Variants in MYO16 observed in about 807,000 individuals in gnomAD.
The protein encoded by MYO16 is unconventional myosin-XVI.
MYO16 carries 94 observed loss-of-function variants against 205.3 expected under a neutral mutation model. The observed-to-expected ratio is 0.46, with a 90% confidence interval of 0.39 to 0.54. MYO16 has a LOEUF of 0.54. Ranked by LOEUF, MYO16 falls within the 20% of genes least tolerant of loss-of-function variation. MYO16 has a pLI of 0.00. For missense variants in MYO16, 2,315 were observed against 2,387.5 expected (o/e 0.97, Z 0.63); for synonymous variants, 988 against 954.0 (o/e 1.04, Z -0.66).
chr13:108,993,781 T>A (rs555751388), intron 21 of MYO16, among the ~76,000 whole-genome samples: 5 of 152,270 alleles, frequency 3.3e-5, no homozygotes, highest in African/African-American at 9.6e-5. Flanking sequence ...TATATGTGGG[T>A]CTGCAGGGTG....
chr13:108,608,377 G>A (rs1038464814), intron 1 of MYO16, among the ~76,000 whole-genome samples: 5 of 152,048 alleles, frequency 3.3e-5, no homozygotes, highest in African/African-American at 1.2e-4. Flanking sequence ...CTCTGCCTAG[G>A]AGCCTTCCCC....
intron 23 of MYO16, among the ~76,000 whole-genome samples, chr13:109,034,138 G>A (rs540376428): frequency 6.6e-6 from 1 of 152,050 alleles, no homozygotes; most frequent in South Asian, 2.1e-4. Flanking sequence ...CCTAGACAAA[G>A]TTAGAGTTGA....
At chr13:108,634,011 A>T (rs1296771502) in intron 1 of MYO16, among the ~76,000 whole-genome samples, 2 of 152,050 alleles carry the variant, frequency 1.3e-5, no homozygotes, top group Non-Finnish European at 2.9e-5. Context: ...TACCTACCCA[A>T]GGTGGAACCC....
chr13:108,688,227 A>G (rs1882757745), intron 2 of MYO16, among the ~76,000 whole-genome samples: 1 of 152,144 alleles, frequency 6.6e-6, no homozygotes, highest in Admixed American at 6.5e-5. Context: ...GTAAAAAATT[A>G]CAAGAGAAAC....
chr13:108,985,541 G>A (rs1884597740), intron 20 of MYO16, among the ~76,000 whole-genome samples: 1 of 152,216 alleles, frequency 6.6e-6, no homozygotes, highest in African/African-American at 2.4e-5. Flanking sequence ...TTAACGATCA[G>A]TGAAAACACT....
intron 12 of MYO16, among the ~76,000 whole-genome samples, chr13:108,868,787 G>A (rs972207022): frequency 3.6e-4 from 55 of 151,190 alleles, no homozygotes; most frequent in African/African-American, 1.3e-3. Context: ...CGAGCATGGT[G>A]GCAGGTGACG....
chr13:108,785,564 G>C, intron 4 of MYO16, 71 bp from the exon 5 acceptor site: 1 of 839,348 alleles, frequency 1.2e-6, no homozygotes, highest in South Asian at 2.1e-5. Context: ...AACTAAGATT[G>C]AAGTACAACT....
chr13:108,655,360 G>C (rs1881195995), intron 1 of MYO16, among the ~76,000 whole-genome samples: 2 of 152,192 alleles, frequency 1.3e-5, no homozygotes, highest in Non-Finnish European at 2.9e-5. Flanking sequence ...GCTTCCACAT[G>C]ATGTTGAGCC....
At chr13:109,130,361 T>C (rs1248267284) in intron 31 of MYO16, among the ~76,000 whole-genome samples, 1 of 152,182 alleles carries the variant, frequency 6.6e-6, no homozygotes, top group Non-Finnish European at 1.5e-5. Flanking sequence ...CCATCTACAT[T>C]ATCTGTTCTT....
At chr13:109,155,488 C>G (rs1265224858) in intron 32 of MYO16, among the ~76,000 whole-genome samples, 1 of 152,136 alleles carries the variant, frequency 6.6e-6, no homozygotes, top group Non-Finnish European at 1.5e-5. Flanking sequence ...TCTCAGCACA[C>G]GCAACCTTTC....
chr13:108,721,707 G>T (rs539774769), intron 3 of MYO16, among the ~76,000 whole-genome samples: 1 of 152,174 alleles, frequency 6.6e-6, no homozygotes, highest in Non-Finnish European at 1.5e-5. Flanking sequence ...AAGAATCAAT[G>T]ATAAGCTCAG....
At position 108,785,720 on chromosome 13, in the gene MYO16, T is replaced by A; in HGVS notation, c.593T>A (p.Leu198Gln). Reference sequence around the variant, plus strand: ...GAAGGGACAGAATCCAGCTCTATCCTGTTGACCTATCTGGATGAAAATGGT... The same window carrying A: ...GAAGGGACAGAATCCAGCTCTATCCAGTTGACCTATCTGGATGAAAATGGT... ...AVEGTESSSILLTYLDENGVD... is the reference protein window; with the variant it reads ...AVEGTESSSIQLTYLDENGVD... The change falls in exon 5 of 35, where the codon CTG becomes CAG. Residue 198 changes from leucine to glutamine, a missense_variant. Coordinates refer to ENST00000457511, the MANE Select transcript of MYO16 (RefSeq NM_001198950.3). 2 of 1,608,276 alleles carry A rather than the reference T, an allele frequency of 1.2e-6. No individual in the cohort carries two copies. Among genetic ancestry groups the A allele is most frequent in the Non-Finnish European group, 1.7e-6 (2 of 1,176,972 alleles).
At chr13:108,654,326 G>A (rs374506864) in intron 1 of MYO16, among the ~76,000 whole-genome samples, 113 of 152,254 alleles carry the variant, frequency 7.4e-4, no homozygotes, top group African/African-American at 2.6e-3. Context: ...TACTGTTCTC[G>A]TGCTAGGAAG....
chr13:108,890,574 C>T (rs1437846714), intron 14 of MYO16, among the ~76,000 whole-genome samples: 2 of 152,178 alleles, frequency 1.3e-5, no homozygotes, highest in Non-Finnish European at 2.9e-5. Flanking sequence ...TGCAGAGGGG[C>T]TACCTGTCTT....
chr13:108,570,975 C>G, the MYO16 span, among the ~76,000 whole-genome samples: 1 of 151,962 alleles, frequency 6.6e-6, no homozygotes. Context: ...TCAAAAACAT[C>G]TTAAGAAAGT....
chr13:108,570,943 T>C, the MYO16 span, among the ~76,000 whole-genome samples: 1 of 152,162 alleles, frequency 6.6e-6, no homozygotes, highest in Non-Finnish European at 1.5e-5. Flanking sequence ...TACTGAAAAT[T>C]AGCTTTAAGG....
chr13:108,721,213 A>G (rs1040951916), intron 3 of MYO16, among the ~76,000 whole-genome samples: 14 of 152,240 alleles, frequency 9.2e-5, no homozygotes, highest in Admixed American at 3.9e-4. Context: ...TTGTTGACAC[A>G]TTCTAACCAC....
chr13:108,953,563 AGTTTT>A (rs1883235713), intron 16 of MYO16, among the ~76,000 whole-genome samples: 1 of 149,786 alleles, frequency 6.7e-6, no homozygotes, highest in African/African-American at 2.5e-5. Flanking sequence ...AAATGTTTTG[AGTTTT>A]GTTTTTTTTT....
intron 7 of MYO16, among the ~76,000 whole-genome samples, chr13:108,812,468 G>T (rs1256875781): frequency 1.3e-5 from 2 of 151,980 alleles, no homozygotes; most frequent in Non-Finnish European, 2.9e-5. Flanking sequence ...GTAGGTGAGT[G>T]CGCACGCCCC....
Sources: gnomAD v4.1 joint callset for allele counts (sites outside exome capture counted in the v4.1 genomes callset) on GRCh38, gnomAD v4.1.1 for gene constraint, MANE v1.5 for transcripts, NCBI Gene and HGNC (gene_info 2026-07-23, HGNC 2026-07-21) for gene names.